CFAP20DC: variants seen among roughly 807,000 people sequenced by gnomAD.
The protein encoded by CFAP20DC is CFAP20 domain containing, also known as protein CFAP20DC.
A neutral mutation model predicts 101.7 loss-of-function variants in CFAP20DC; 84 were observed. That is an observed-to-expected ratio of 0.83 (90% CI 0.69 to 0.99). The LOEUF is 0.99. CFAP20DC is among the 50% of genes least tolerant of loss of function. The probability of loss-of-function intolerance (pLI) is 0.00; values close to 1 mark genes in which losing one functional copy is unlikely to be tolerated. For missense variants in CFAP20DC, 1,007 were observed against 970.3 expected (o/e 1.04, Z -0.50); for synonymous variants, 359 against 351.2 (o/e 1.02, Z -0.25).
chr3:58,982,287 T>G (rs922634110), intron 4 of CFAP20DC, among the ~76,000 whole-genome samples: 12 of 152,032 alleles, frequency 7.9e-5, no homozygotes, highest in Admixed American at 1.3e-4. Context: ...GTAAACCATT[T>G]TGGAAGTCAG....
intron 14 of CFAP20DC, among the ~76,000 whole-genome samples, chr3:58,807,074 C>T (rs111305652): frequency 0.034 from 5,218 of 152,186 alleles, 314 homozygotes; most frequent in African/African-American, 0.12. Context: ...GGAAGCTCGA[C>T]CTGGGTGGAG....
At chr3:58,720,321 T>C (rs560956088) in intron 3 of CFAP20DC, among the ~76,000 whole-genome samples, 1 of 152,336 alleles carries the variant, frequency 6.6e-6, no homozygotes, top group Admixed American at 6.5e-5. Flanking sequence ...GAGCCTCAGT[T>C]TCCTCATCTC....
At chr3:58,980,550 T>C (rs1182270648) in intron 4 of CFAP20DC, among the ~76,000 whole-genome samples, 3 of 152,144 alleles carry the variant, frequency 2.0e-5, no homozygotes, top group South Asian at 2.1e-4. Flanking sequence ...GCTGGTTCAA[T>C]ATACACAAAT....
At chr3:58,755,136 T>C (rs1000659680) in intron 15 of CFAP20DC, among the ~76,000 whole-genome samples, 1 of 152,188 alleles carries the variant, frequency 6.6e-6, no homozygotes, top group African/African-American at 2.4e-5. Flanking sequence ...ATAAAAAGCA[T>C]ATTAATGTCA....
chr3:58,932,435 A>ACTC (rs2086842576), intron 5 of CFAP20DC, among the ~76,000 whole-genome samples: 1 of 151,864 alleles, frequency 6.6e-6, no homozygotes, highest in Non-Finnish European at 1.5e-5. Flanking sequence ...CCACAAAGAT[A>ACTC]CTCCTCAAGA....
chr3:58,893,357 A>C (rs935885110), intron 6 of CFAP20DC, among the ~76,000 whole-genome samples: 1 of 152,100 alleles, frequency 6.6e-6, no homozygotes, highest in Non-Finnish European at 1.5e-5. Context: ...GGAACGTTGA[A>C]TTTTATCAGA....
intron 4 of CFAP20DC, among the ~76,000 whole-genome samples, chr3:58,965,852 G>A (rs1037753634): frequency 2.0e-5 from 3 of 152,278 alleles, no homozygotes; most frequent in South Asian, 2.1e-4. Flanking sequence ...AAAGAGTTAC[G>A]TGGCATAGAT....
intron 5 of CFAP20DC, among the ~76,000 whole-genome samples, chr3:58,929,959 C>T (rs1273163139): frequency 6.6e-6 from 1 of 152,134 alleles, no homozygotes; most frequent in Non-Finnish European, 1.5e-5. Context: ...TGTCTGCACA[C>T]CACACAGCTA....
At chr3:58,903,384 T>C (rs2083318935) in intron 6 of CFAP20DC, among the ~76,000 whole-genome samples, 1 of 152,202 alleles carries the variant, frequency 6.6e-6, no homozygotes, top group Admixed American at 6.5e-5. Flanking sequence ...GAATCATCTG[T>C]TGAAGAGACT....
chr3:58,723,433 A>G (rs1478742485), intron 3 of CFAP20DC, among the ~76,000 whole-genome samples: 4 of 152,264 alleles, frequency 2.6e-5, no homozygotes, highest in Admixed American at 2.0e-4. Flanking sequence ...CGCAACAGTA[A>G]GATGAAAGAA....
intron 4 of CFAP20DC, among the ~76,000 whole-genome samples, chr3:59,023,362 A>T (rs1255850106): frequency 6.6e-6 from 1 of 152,102 alleles, no homozygotes; most frequent in African/African-American, 2.4e-5. Context: ...AATTGTGAGA[A>T]CACCGAGGAA....
At chr3:59,039,059 G>A (rs943708572) in intron 4 of CFAP20DC, among the ~76,000 whole-genome samples, 1 of 151,946 alleles carries the variant, frequency 6.6e-6, no homozygotes, top group Non-Finnish European at 1.5e-5. Context: ...CTGAGTAAAG[G>A]TTGTATATTT....
In CFAP20DC at chr3:58,797,114, C is replaced by T. The variant is rs548597414; in HGVS notation, c.2237+9281G>A. On this transcript the variant is annotated intron_variant, in intron 15 of 16. Coordinates refer to ENST00000482387, the MANE Select transcript of CFAP20DC (RefSeq NM_001394063.1). ...AACCCTACAGTGGACCCTGAGTGTTCACGTGAAAGGAAGAGTCACGTGTCT... is the reference window on the plus strand; with the variant it reads ...AACCCTACAGTGGACCCTGAGTGTTTACGTGAAAGGAAGAGTCACGTGTCT... Among the ~76,000 whole-genome samples, 27 of 152,200 alleles carry T rather than the reference C, an allele frequency of 1.8e-4. No individual in the cohort carries two copies. In the South Asian group the frequency reaches 4.6e-3, roughly 26 times the overall value.
intron 15 of CFAP20DC, among the ~76,000 whole-genome samples, chr3:58,793,910 A>C (rs2073045109): frequency 6.6e-6 from 1 of 152,194 alleles, no homozygotes. Context: ...TACTAATTCA[A>C]CAGAAAATAT....
chr3:58,936,956 C>CAAA (rs35351829), intron 5 of CFAP20DC, among the ~76,000 whole-genome samples: 1 of 140,254 alleles, frequency 7.1e-6, no homozygotes. Context: ...AAATTTAAGC[C>CAAA]AAAAAAAAAA....
intron 4 of CFAP20DC, among the ~76,000 whole-genome samples, chr3:58,959,181 G>A (rs1295875037): frequency 9.2e-5 from 14 of 152,166 alleles, no homozygotes; most frequent in African/African-American, 3.1e-4. Flanking sequence ...TGCAACCTCC[G>A]CCTCCCCAGT....
intron 13 of CFAP20DC, among the ~76,000 whole-genome samples, chr3:58,845,836 C>G (rs900200814): frequency 1.2e-4 from 18 of 151,108 alleles, no homozygotes; most frequent in African/African-American, 4.1e-4. Context: ...GGCTTCATCC[C>G]TGGGTTGCAA....
intron 14 of CFAP20DC, among the ~76,000 whole-genome samples, chr3:58,829,780 C>G (rs2108027253): frequency 6.6e-6 from 1 of 152,178 alleles, no homozygotes; most frequent in East Asian, 1.9e-4. Context: ...GATGAGAACA[C>G]TGTATCCAGG....
chr3:58,964,538 G>C lies in CFAP20DC; in HGVS notation c.279-26776C>G, dbSNP rs1010422761. Among the ~76,000 whole-genome samples the C allele has an allele frequency of 1.3e-5, 2 of 152,104 alleles. No homozygotes were observed. Among genetic ancestry groups the C allele is most frequent in the African/African-American group, 4.8e-5 (2 of 41,404 alleles). The stretch of plus-strand genomic sequence containing the variant: ...AGTGCTTGCTTTGGGTTTTAAGCTG[G>C]AAACAATGCTCTCGCCTGTGGCTTG... On this transcript the variant is annotated intron_variant, in intron 4 of 16. Coordinates refer to ENST00000482387, the MANE Select transcript of CFAP20DC (RefSeq NM_001394063.1). This position sits in a 1 kb window ranked among gnomAD's most constrained non-coding sequence, Gnocchi z 4.1.
Sources: gnomAD v4.1 joint callset for allele counts (sites outside exome capture counted in the v4.1 genomes callset) on GRCh38, gnomAD v4.1.1 for gene constraint, Gnocchi (gnomAD v3.1) non-coding constraint, MANE v1.5 for transcripts, NCBI Gene and HGNC (gene_info 2026-07-23, HGNC 2026-07-21) for gene names.